IQCM: variants seen among roughly 807,000 people sequenced by gnomAD.
The protein encoded by IQCM is IQ domain-containing protein M.
Under a neutral mutation model 57.6 loss-of-function variants are expected in IQCM, and 45 were observed. That is an observed-to-expected ratio of 0.78 (90% confidence interval 0.62 to 1.00). IQCM has a LOEUF of 1.00. IQCM is among the 50% of genes least tolerant of loss of function. The pLI is 0.00. For missense variants in IQCM, 468 were observed against 511.6 expected (o/e 0.91, Z 0.82); for synonymous variants, 148 against 158.9 (o/e 0.93, Z 0.51).
chr4:149,357,656 A>C (rs763071597), intron 13 of IQCM, among the ~76,000 whole-genome samples: 5 of 152,158 alleles, frequency 3.3e-5, no homozygotes, highest in Non-Finnish European at 5.9e-5. Context: ...CCAGTATTTT[A>C]TCGAGGATTT....
chr4:149,695,258 A>G (rs778290403), intron 5 of IQCM, among the ~76,000 whole-genome samples: 12 of 152,224 alleles, frequency 7.9e-5, no homozygotes, highest in Non-Finnish European at 1.8e-4. Context: ...CTACAATGTG[A>G]CAGGCAGTCT....
intron 5 of IQCM, among the ~76,000 whole-genome samples, chr4:149,710,345 G>A (rs1764469701): frequency 6.6e-6 from 1 of 152,118 alleles, no homozygotes; most frequent in Non-Finnish European, 1.5e-5. Context: ...AATTCTAAAT[G>A]TATAGTGTCT....
At chr4:149,384,473 A>C (rs1731282429) in intron 13 of IQCM, among the ~76,000 whole-genome samples, 1 of 152,146 alleles carries the variant, frequency 6.6e-6, no homozygotes, top group African/African-American at 2.4e-5. Flanking sequence ...ACTGGAGAGT[A>C]GTTGGCATAA....
intron 7 of IQCM, among the ~76,000 whole-genome samples, chr4:149,670,863 G>C (rs952287578): frequency 2.0e-5 from 3 of 151,950 alleles, no homozygotes; most frequent in Admixed American, 2.0e-4. Flanking sequence ...TTGATGTGCT[G>C]CTGGATTCGG....
intron 5 of IQCM, among the ~76,000 whole-genome samples, chr4:149,716,511 C>T (rs534677722): frequency 1.3e-5 from 2 of 152,268 alleles, no homozygotes; most frequent in South Asian, 2.1e-4. Context: ...TGCAGCTGCG[C>T]CAAAGAAGGC....
chr4:149,481,217 T>G lies in IQCM; in HGVS notation c.1229-47660A>C, dbSNP rs562436284. Reference sequence around the variant, plus strand: ...CCCATTCTGTGGGTTGTTTGCACTTTGTTGATTGTTTCCATTGCTGTGCAG... The same window carrying G: ...CCCATTCTGTGGGTTGTTTGCACTTGGTTGATTGTTTCCATTGCTGTGCAG... On this transcript the variant is annotated intron_variant, in intron 12 of 13. Coordinates refer to ENST00000636793, the MANE Select transcript of IQCM (RefSeq NM_001363507.2). Among the ~76,000 whole-genome samples the G allele has an allele frequency of 1.3e-4, 20 of 152,312 alleles. 1 individual carries two copies. In the South Asian group the frequency reaches 4.1e-3, roughly 32 times the overall value.
intron 13 of IQCM, among the ~76,000 whole-genome samples, chr4:149,358,224 G>GT (rs1332148089): frequency 2.0e-5 from 3 of 152,048 alleles, no homozygotes; most frequent in East Asian, 1.9e-4. Flanking sequence ...TTTTCAAAGG[G>GT]TTTTTTGTGT....
chr4:149,570,033 G>A (rs1751008571), intron 9 of IQCM, among the ~76,000 whole-genome samples: 1 of 151,854 alleles, frequency 6.6e-6, no homozygotes, highest in Non-Finnish European at 1.5e-5. Context: ...TTCAGAACTT[G>A]AGGGGGAAAA....
chr4:149,423,803 T>C (rs1734280995), intron 13 of IQCM, among the ~76,000 whole-genome samples: 1 of 151,926 alleles, frequency 6.6e-6, no homozygotes, highest in Non-Finnish European at 1.5e-5. Context: ...TTAATAAATA[T>C]TTGTGGAGTG....
intron 7 of IQCM, among the ~76,000 whole-genome samples, chr4:149,678,203 T>C (rs1229879603): frequency 2.6e-5 from 4 of 151,616 alleles, no homozygotes; most frequent in Non-Finnish European, 5.9e-5. Flanking sequence ...CAGATTTGAC[T>C]CAAATAAGAC....
intron 6 of IQCM, among the ~76,000 whole-genome samples, chr4:149,685,789 C>G (rs1762504840): frequency 1.3e-5 from 2 of 151,628 alleles, no homozygotes; most frequent in South Asian, 4.1e-4. Context: ...GAGGTTCTAT[C>G]TATAGCTTCA....
chr4:149,563,118 C>G (rs1283973401), intron 10 of IQCM, among the ~76,000 whole-genome samples: 1 of 152,040 alleles, frequency 6.6e-6, no homozygotes, highest in Non-Finnish European at 1.5e-5. Flanking sequence ...GGATTGCGAT[C>G]TATGAAAGTT....
intron 9 of IQCM, among the ~76,000 whole-genome samples, chr4:149,568,194 G>A (rs752468947): frequency 7.2e-5 from 11 of 152,088 alleles, no homozygotes; most frequent in African/African-American, 1.2e-4. Context: ...ACAGGAGACC[G>A]CTACTCCTTC....
At chr4:149,519,417 C>T (rs1347229683) in intron 12 of IQCM, among the ~76,000 whole-genome samples, 9 of 151,820 alleles carry the variant, frequency 5.9e-5, no homozygotes, top group East Asian at 1.9e-4. Flanking sequence ...GTCAGGAAAT[C>T]GAGACCATCC....
At chr4:149,807,325 G>T (rs1774179145) in intron 2 of IQCM, among the ~76,000 whole-genome samples, 1 of 151,850 alleles carries the variant, frequency 6.6e-6, no homozygotes, top group African/African-American at 2.4e-5. Context: ...CATACACTGG[G>T]GGAAGGGATA....
rs1740853139 is a variant in IQCM at position 149,481,702 on chromosome 4, T to TTTTTTTTTTTTGTTTTTTG, written c.1229-48146_1229-48145insCAAAAAACAAAAAAAAAAA. On this transcript the variant is annotated intron_variant, in intron 12 of 13. Coordinates refer to ENST00000636793, the MANE Select transcript of IQCM (RefSeq NM_001363507.2). Reference sequence around the variant, plus strand: ...ATGTAATGTGATTCTTCCAGTTTTGTTTTTTTTTTTTTTTTTTTTTGCTTT... The same window carrying TTTTTTTTTTTTGTTTTTTG: ...ATGTAATGTGATTCTTCCAGTTTTGTTTTTTTTTTTTGTTTTTTGTTTTTTTTTTTTTTTTTTTTGCTTT... Among the ~76,000 whole-genome samples, 43 of 123,642 alleles carry TTTTTTTTTTTTGTTTTTTG rather than the reference T, an allele frequency of 3.5e-4. 1 individual carries two copies. The highest frequency in any genetic ancestry group is 1.1e-3 in the East Asian group (5 of 4,476). The allele number at this position is 123,642 out of a possible 152,430, so 81.1% of individuals were successfully genotyped here. A position where few individuals can be genotyped will look rare whatever the true frequency, so the allele number is the denominator to read the frequency against.
At position 149,763,740 on chromosome 4, in the gene IQCM, C is replaced by T. The variant is rs527466735; in HGVS notation, c.-48-21001G>A. 2.4e-4 allele frequency among the ~76,000 whole-genome samples: 37 copies of T among 152,176 alleles called. No homozygotes were observed. The South Asian group carries it at 7.0e-3, about 29-fold the overall frequency. On this transcript the variant is annotated intron_variant, in intron 2 of 13. Transcript: ENST00000636793. ...CAGAGCCAGGATTCAATCCAGACTC[C>T]TCTGACTCCAAAACTCAAGCTCTTA... is the stretch of plus-strand genomic sequence containing the variant.
intron 9 of IQCM, among the ~76,000 whole-genome samples, chr4:149,572,252 C>T (rs1307607789): frequency 2.6e-5 from 4 of 151,820 alleles, no homozygotes; most frequent in Middle Eastern, 6.8e-3. Flanking sequence ...ATATCTATTG[C>T]TGATCCTTTT....
intron 13 of IQCM, among the ~76,000 whole-genome samples, chr4:149,432,132 C>A (rs1221577994): frequency 6.6e-6 from 1 of 151,594 alleles, no homozygotes; most frequent in African/African-American, 2.4e-5. Context: ...AAGAAAGTAT[C>A]AAAATATTTT....
Sources: allele counts gnomAD v4.1 joint callset (sites outside exome capture counted in the v4.1 genomes callset), GRCh38; gene constraint gnomAD v4.1.1; transcripts MANE v1.5; gene names NCBI Gene and HGNC (gene_info 2026-07-23, HGNC 2026-07-21).